ANKRD28: variants seen among roughly 807,000 people sequenced by gnomAD.
ANKRD28 encodes ankyrin repeat domain 28.
ANKRD28 carries 44 observed loss-of-function variants against 126.5 expected under a neutral mutation model. The observed-to-expected ratio is 0.35, with a 90% CI of 0.27 to 0.45. The LOEUF is 0.45. Ranked by LOEUF, ANKRD28 falls within the 20% of genes least tolerant of loss-of-function variation. The probability of loss-of-function intolerance (pLI) is 1.00; values close to 1 mark genes in which losing one functional copy is unlikely to be tolerated. For synonymous variants in ANKRD28, 442 were observed against 468.5 expected, an observed-to-expected ratio of 0.94 and a Z score of 0.73; for missense variants, 1,110 against 1,316.6, an observed-to-expected ratio of 0.84 and a Z score of 2.43.
chr3:15,775,866 T>C (rs1306561221), intron 2 of ANKRD28, among the ~76,000 whole-genome samples: 2 of 152,192 alleles, frequency 1.3e-5, no homozygotes, highest in African/African-American at 2.4e-5. Context: ...ACTGATTAAA[T>C]AACTGGCTAC....
intron 1 of ANKRD28, among the ~76,000 whole-genome samples, chr3:15,829,934 T>C (rs2061154133): frequency 6.6e-6 from 1 of 151,014 alleles, no homozygotes; most frequent in Non-Finnish European, 1.5e-5. Context: ...AAAAAGGTAT[T>C]CTATTAAAAA....
In ANKRD28 at chr3:15,797,200, AAACAAAAAC is replaced by A. The variant is rs1433764685; in HGVS notation, c.-688_-680del. 4.8e-4 allele frequency: 441 copies of A among 925,698 alleles called. No homozygotes were observed. In the African/African-American group the frequency reaches 9.3e-3, roughly 20 times the overall value. The allele number at this position is 925,698 out of a possible 1,614,324, so 57.3% of individuals were successfully genotyped here. ...TTTCAGTGTTTGGGAAAGGGGCAAAAAACAAAAACAAAAAAAAAAAAACCACTCTGCATT... is the reference window on the plus strand; with the variant it reads ...TTTCAGTGTTTGGGAAAGGGGCAAAAAAAAAAAAAAAAACCACTCTGCATT... On this transcript the variant is annotated 5_prime_UTR_variant, in exon 1 of 28. Coordinates refer to ENST00000683139, the MANE Select transcript of ANKRD28 (RefSeq NM_001349278.2).
At position 15,796,935 on chromosome 3, in the gene ANKRD28, A is replaced by G. The variant is rs1284643889; in HGVS notation, c.-414T>C. 1 of 985,556 alleles carries G rather than the reference A, an allele frequency of 1.0e-6. No homozygotes were observed. The highest frequency in any genetic ancestry group is 6.1e-5 in the Admixed American group (1 of 16,272). The allele number at this position is 985,556 out of a possible 1,614,324, so 61.1% of individuals were successfully genotyped here. ...ACACCACACAATATAGAATGAAATG[A>G]GAAACAACTGCTGTGACAGAGATGA... On this transcript the variant is annotated 5_prime_UTR_variant, in exon 1 of 28. Coordinates refer to ENST00000683139, the MANE Select transcript of ANKRD28 (RefSeq NM_001349278.2).
At chr3:15,859,426 C>G (rs1411602577) in exon 1 of ANKRD28, 7 of 1,517,978 alleles carry the variant, frequency 4.6e-6, no homozygotes, top group African/African-American at 1.4e-5. Context: ...CGCGCCCACT[C>G]CAGCCTCCTC....
Position 15,814,784 on chromosome 3 carries a change from T to C in ANKRD28, c.28-19478A>G, listed in dbSNP as rs893663526. ...TAAAATATTCAATCTATACGCTTTTTGAATATGTAGAACATACTCATTTCA... is the reference window on the plus strand; with the variant it reads ...TAAAATATTCAATCTATACGCTTTTCGAATATGTAGAACATACTCATTTCA... On this transcript the variant is annotated intron_variant, in intron 1 of 27. Transcript: ENST00000399451. This position sits in a 1 kb window ranked among gnomAD's most constrained non-coding sequence, Gnocchi z 4.7. 1.3e-5 allele frequency among the ~76,000 whole-genome samples: 2 copies of C among 151,792 alleles called. No individual in the cohort carries two copies. The highest frequency in any genetic ancestry group is 2.9e-5 in the Non-Finnish European group (2 of 67,916).
intron 2 of ANKRD28, among the ~76,000 whole-genome samples, chr3:15,791,679 A>G (rs928733322): frequency 2.6e-5 from 4 of 152,204 alleles, no homozygotes; most frequent in African/African-American, 4.8e-5. Flanking sequence ...TCTCCAGGAC[A>G]TTAGTCTGAG....
intron 7 of ANKRD28, among the ~76,000 whole-genome samples, chr3:15,721,478 T>C (rs952207313): frequency 6.6e-6 from 1 of 152,154 alleles, no homozygotes; most frequent in African/African-American, 2.4e-5. Flanking sequence ...ATTATAATCA[T>C]AAAAAATGAA....
chr3:15,814,385 C>CA lies in ANKRD28; in HGVS notation c.28-19080_28-19079insT. On this transcript the variant is annotated intron_variant, in intron 1 of 27. Transcript: ENST00000399451. The surrounding 1 kb of genome is among the most constrained non-coding windows in gnomAD (Gnocchi z 4.7). ...TAAGGGCTATGTTATTTATAAATAA[C>CA]TAGTACCTTAACAAAACATTGAATT... 1.6e-5 allele frequency: 11 copies of CA among 698,316 alleles called. No homozygotes were observed. Among genetic ancestry groups the CA allele is most frequent in the Non-Finnish European group, 2.2e-5 (11 of 503,788 alleles). The allele number at this position is 698,316 out of a possible 1,614,324, so 43.3% of individuals were successfully genotyped here.
chr3:15,830,971 G>A lies in ANKRD28; in HGVS notation c.27+28406C>T, dbSNP rs1388615752. Among the ~76,000 whole-genome samples the A allele has an allele frequency of 6.6e-6, 1 of 152,106 alleles. No homozygotes were observed. The highest frequency in any genetic ancestry group is 1.5e-5 in the Non-Finnish European group (1 of 68,028). Reference sequence around the variant, plus strand: ...CCTTGGTTGGCAATACTCCTTGCGTGTCACCATATATTGTTGCTGGGAAAA... The same window carrying A: ...CCTTGGTTGGCAATACTCCTTGCGTATCACCATATATTGTTGCTGGGAAAA... On this transcript the variant is annotated intron_variant, in intron 1 of 27. Transcript: ENST00000399451. The surrounding 1 kb of genome is among the most constrained non-coding windows in gnomAD (Gnocchi z 4.5).
intron 1 of ANKRD28, among the ~76,000 whole-genome samples, chr3:15,857,572 A>T (rs1219482883): frequency 6.6e-6 from 1 of 152,230 alleles, no homozygotes; most frequent in Non-Finnish European, 1.5e-5. Flanking sequence ...GGCGTGAGCC[A>T]CCGCGCCTGG....
At chr3:15,761,549 T>G (rs2058458435) in intron 3 of ANKRD28, among the ~76,000 whole-genome samples, 1 of 152,194 alleles carries the variant, frequency 6.6e-6, no homozygotes, top group South Asian at 2.1e-4. Context: ...AAACCAAATT[T>G]AAGCAGAACT....
At chr3:15,791,232 A>G (rs956038682) in intron 2 of ANKRD28, among the ~76,000 whole-genome samples, 5 of 152,146 alleles carry the variant, frequency 3.3e-5, no homozygotes, top group South Asian at 2.1e-4. Context: ...CAATCAAAAT[A>G]CCAATGGAAT....
chr3:15,685,013 C>T (rs753441973), intron 21 of ANKRD28: 22 of 571,748 alleles, frequency 3.8e-5, no homozygotes, highest in Non-Finnish European at 6.5e-5. Context: ...CATGGCTTAT[C>T]TCAGAACACC....
At chr3:15,808,466 A>G (rs2060636408) in intron 1 of ANKRD28, among the ~76,000 whole-genome samples, 1 of 152,158 alleles carries the variant, frequency 6.6e-6, no homozygotes. Context: ...TTTGTCTCCA[A>G]GCATATTTGT....
In ANKRD28 at chr3:15,850,200, A is replaced by ATATATATATATAT. The variant is rs1208827136; in HGVS notation, c.27+9176_27+9177insATATATATATATA. 1.3e-3 allele frequency among the ~76,000 whole-genome samples: 60 copies of ATATATATATATAT among 47,608 alleles called. 2 individuals are homozygous for ATATATATATATAT. The highest frequency in any genetic ancestry group is 3.5e-3 in the South Asian group (4 of 1,134). 31.2% of individuals were successfully genotyped at this position (47,608 alleles called of 152,430 possible). ...GGTATCTACATGCAATAAAAAAAAA[A>ATATATATATATAT]AAAAATATATATATATATATATATA... On this transcript the variant is annotated intron_variant, in intron 1 of 27. Transcript: ENST00000399451.
chr3:15,781,253 A>T (rs2125693738), intron 2 of ANKRD28, among the ~76,000 whole-genome samples: 1 of 152,292 alleles, frequency 6.6e-6, no homozygotes, highest in East Asian at 1.9e-4. Context: ...CATCTGACTG[A>T]ATTAAAGGAT....
At chr3:15,790,939 G>C (rs2059996958) in intron 2 of ANKRD28, among the ~76,000 whole-genome samples, 1 of 152,076 alleles carries the variant, frequency 6.6e-6, no homozygotes, top group African/African-American at 2.4e-5. Context: ...TAAAGTTCCA[G>C]AATACAAAAT....
At chr3:15,747,946 C>T (rs1051985591) in intron 4 of ANKRD28, among the ~76,000 whole-genome samples, 2 of 152,102 alleles carry the variant, frequency 1.3e-5, no homozygotes, top group African/African-American at 2.4e-5. Context: ...TATATAATGT[C>T]CCTCTTTGTT....
intron 1 of ANKRD28, among the ~76,000 whole-genome samples, chr3:15,858,511 A>C (rs1330907514): frequency 6.6e-6 from 1 of 152,240 alleles, no homozygotes; most frequent in African/African-American, 2.4e-5. Context: ...ATAGTTTTCC[A>C]AAACATCCAA....
Sources: gnomAD v4.1 joint callset for allele counts (sites outside exome capture counted in the v4.1 genomes callset) on GRCh38, gnomAD v4.1.1 for gene constraint, Gnocchi (gnomAD v3.1) non-coding constraint, MANE v1.5 for transcripts, NCBI Gene and HGNC (gene_info 2026-07-23, HGNC 2026-07-21) for gene names.